Variants in ALCAM observed in about 807,000 individuals in gnomAD.
The protein encoded by ALCAM is activated leukocyte cell adhesion molecule, also known as CD166 antigen.
Under a neutral mutation model 70.9 loss-of-function variants are expected in ALCAM, and 30 were observed. That is an observed-to-expected ratio of 0.42 (90% CI 0.32 to 0.57). The LOEUF is 0.57. ALCAM is among the 20% of genes least tolerant of loss of function. ALCAM has a pLI of 0.11. For synonymous variants in ALCAM, 249 were observed against 242.5 expected, an observed-to-expected ratio of 1.03 and a Z score of -0.25; for missense variants, 591 against 695.1, an observed-to-expected ratio of 0.85 and a Z score of 1.68.
At chr3:105,402,938 C>CTTCTTTTTTTTTTTTTTTTT (rs1936124536) in intron 1 of ALCAM, among the ~76,000 whole-genome samples, 6 of 117,254 alleles carry the variant, frequency 5.1e-5, no homozygotes, top group Non-Finnish European at 9.1e-5. Context: ...AGCTGATGCG[C>CTTCTTTTTTTTTTTTTTTTT]TTTTTTTTTT....
At chr3:105,558,946 G>C (rs1040851159) in intron 14 of ALCAM, among the ~76,000 whole-genome samples, 1 of 151,892 alleles carries the variant, frequency 6.6e-6, no homozygotes, top group Non-Finnish European at 1.5e-5. Flanking sequence ...ATTAATACAT[G>C]AGGATAAAAA....
At chr3:105,480,351 CAATAAATAAATA>C (rs200096110) in intron 1 of ALCAM, among the ~76,000 whole-genome samples, 150 of 150,228 alleles carry the variant, frequency 1.0e-3, no homozygotes, top group African/African-American at 2.5e-3. Context: ...GATGTTGTCT[CAATAAATAAATA>C]AATAAATAAA....
intron 2 of ALCAM, among the ~76,000 whole-genome samples, chr3:105,522,341 G>C (rs190506683): frequency 1.1e-4 from 16 of 151,940 alleles, no homozygotes; most frequent in Admixed American, 7.2e-4. Flanking sequence ...TAAGCAAAAG[G>C]CTTCAGCAAT....
chr3:105,504,586 C>T (rs897977521), intron 1 of ALCAM, among the ~76,000 whole-genome samples: 2 of 152,236 alleles, frequency 1.3e-5, no homozygotes, highest in African/African-American at 4.8e-5. Flanking sequence ...GCCTGCCGGC[C>T]TGCTGGTGCC....
At chr3:105,511,372 C>T (rs1939231555) in intron 1 of ALCAM, among the ~76,000 whole-genome samples, 1 of 151,990 alleles carries the variant, frequency 6.6e-6, no homozygotes, top group African/African-American at 2.4e-5. Context: ...TTAATTTCCT[C>T]TTTCCTGTGC....
In ALCAM at chr3:105,432,904, C is replaced by T. The variant is rs574812228; in HGVS notation, c.73+65423C>T. ...CTTGTTCTAATCATATTCTGTGAAA[C>T]GTAACAGGAGCATATATTAACCAGC... On this transcript the variant is annotated intron_variant, in intron 1 of 15. Transcript: ENST00000306107. Among the ~76,000 whole-genome samples, 10 of 152,124 alleles carry T rather than the reference C, an allele frequency of 6.6e-5. No individual in the cohort carries two copies. In the South Asian group the frequency reaches 1.9e-3, roughly 28 times the overall value.
chr3:105,567,473 C>A (rs942909217), intron 14 of ALCAM, among the ~76,000 whole-genome samples: 4 of 151,936 alleles, frequency 2.6e-5, no homozygotes, highest in Non-Finnish European at 5.9e-5. Context: ...CATCTCCTCA[C>A]TTTTTTACTG....
intron 1 of ALCAM, among the ~76,000 whole-genome samples, chr3:105,404,684 A>AC (rs933429634): frequency 3.3e-5 from 5 of 151,880 alleles, no homozygotes; most frequent in African/African-American, 9.7e-5. Flanking sequence ...TGAAAAAAAA[A>AC]ACAAGGTATT....
intron 3 of ALCAM, 136 bp from the exon 4 acceptor site, chr3:105,531,866 G>A (rs1360718375): frequency 3.9e-6 from 3 of 769,758 alleles, no homozygotes; most frequent in Non-Finnish European, 6.9e-6. Context: ...AATCCAGATT[G>A]TATAACGAAA....
At chr3:105,373,399 T>A (rs1428496888) in intron 1 of ALCAM, among the ~76,000 whole-genome samples, 1 of 152,182 alleles carries the variant, frequency 6.6e-6, no homozygotes, top group Non-Finnish European at 1.5e-5. Flanking sequence ...TCCAACACAA[T>A]GTTTTCTTGA....
At chr3:105,421,072 G>A (rs1458728851) in intron 1 of ALCAM, among the ~76,000 whole-genome samples, 1 of 151,432 alleles carries the variant, frequency 6.6e-6, no homozygotes, top group Non-Finnish European at 1.5e-5. Flanking sequence ...TCCTCAGGCA[G>A]TACTTAAAGC....
intron 1 of ALCAM, among the ~76,000 whole-genome samples, chr3:105,376,418 A>G (rs1935379814): frequency 6.6e-6 from 1 of 152,194 alleles, no homozygotes; most frequent in South Asian, 2.1e-4. Context: ...TAACTACTTG[A>G]CTAAGGTCAC....
intron 1 of ALCAM, among the ~76,000 whole-genome samples, chr3:105,431,484 G>A (rs966769742): frequency 3.9e-5 from 6 of 152,098 alleles, no homozygotes; most frequent in South Asian, 2.1e-4. Context: ...AGGCAAGTAA[G>A]CAAAATGTGT....
chr3:105,411,598 G>A (rs937723193), intron 1 of ALCAM, among the ~76,000 whole-genome samples: 5 of 151,998 alleles, frequency 3.3e-5, no homozygotes, highest in African/African-American at 7.2e-5. Context: ...TTTGTAACAC[G>A]GGTAATTCCC....
At chr3:105,505,826 A>G (rs533961777) in intron 1 of ALCAM, among the ~76,000 whole-genome samples, 3 of 152,166 alleles carry the variant, frequency 2.0e-5, no homozygotes, top group Non-Finnish European at 4.4e-5. Flanking sequence ...AACCTACACT[A>G]TTCTTCAGAT....
intron 1 of ALCAM, among the ~76,000 whole-genome samples, chr3:105,515,963 T>G (rs78973907): frequency 6.6e-6 from 1 of 152,090 alleles, no homozygotes; most frequent in Non-Finnish European, 1.5e-5. Context: ...TTAGTTCTTA[T>G]AAGTTCTGAG....
chr3:105,367,313 C>G lies in ALCAM; in HGVS notation c.-96C>G. ...CTGGGAGAAGACGCTGCCCCTGCGT[C>G]GGGACCCGCCAGCGCGCGGGCACCG... On this transcript the variant is annotated 5_prime_UTR_variant, in exon 1 of 16. Transcript: ENST00000306107. The G allele has an allele frequency of 7.8e-7, 1 of 1,276,422 alleles. No individual in the cohort carries two copies. Among genetic ancestry groups the G allele is most frequent in the Non-Finnish European group, 1.1e-6 (1 of 896,190 alleles). The allele number at this position is 1,276,422 out of a possible 1,614,324, so 79.1% of individuals were successfully genotyped here. A position where few individuals can be genotyped will look rare whatever the true frequency, so the allele number is the denominator to read the frequency against.
chr3:105,558,044 G>A (rs956444350), intron 14 of ALCAM, among the ~76,000 whole-genome samples: 1 of 152,048 alleles, frequency 6.6e-6, no homozygotes, highest in African/African-American at 2.4e-5. Flanking sequence ...CCCAAGGGGA[G>A]ACTCCTTCTA....
intron 1 of ALCAM, among the ~76,000 whole-genome samples, chr3:105,391,315 C>T (rs1459573774): frequency 2.0e-5 from 3 of 151,860 alleles, no homozygotes; most frequent in Non-Finnish European, 4.4e-5. Flanking sequence ...CCTTCACATC[C>T]CTTGTGTGTT....
Sources: gnomAD v4.1 joint callset for allele counts (sites outside exome capture counted in the v4.1 genomes callset) on GRCh38, gnomAD v4.1.1 for gene constraint, MANE v1.5 for transcripts, NCBI Gene and HGNC (gene_info 2026-07-23, HGNC 2026-07-21) for gene names.